Variants in KSR2 observed in about 807,000 individuals in gnomAD.
The protein encoded by KSR2 is kinase suppressor of ras 2.
In KSR2, 25 loss-of-function variants were observed where a neutral mutation model predicts 107.8. The observed-to-expected ratio is 0.23, with a 90% CI of 0.17 to 0.32. KSR2 has a LOEUF of 0.32. Ranked by LOEUF, KSR2 falls within the 10% of genes least tolerant of loss-of-function variation. KSR2 has a pLI of 1.00. For synonymous variants in KSR2, 480 were observed against 507.0 expected, an observed-to-expected ratio of 0.95 and a Z score of 0.71; for missense variants, 887 against 1,268.9, an observed-to-expected ratio of 0.70 and a Z score of 4.57.
At chr12:117,662,775 C>G (rs1021093567) in intron 5 of KSR2, among the ~76,000 whole-genome samples, 1 of 152,200 alleles carries the variant, frequency 6.6e-6, no homozygotes, top group African/African-American at 2.4e-5. Flanking sequence ...CAAGCCCCAC[C>G]CAGAGTTTCC....
chr12:117,793,740 CCATGCACATATACACCAA>C (rs1180962642), intron 3 of KSR2, among the ~76,000 whole-genome samples: 2 of 144,706 alleles, frequency 1.4e-5, no homozygotes, highest in African/African-American at 2.6e-5. Context: ...TGCACTCATA[CCATGCACATATACACCAA>C]CATGCACACA....
intron 3 of KSR2, among the ~76,000 whole-genome samples, chr12:117,777,780 C>A (rs926793973): frequency 2.6e-5 from 4 of 152,018 alleles, no homozygotes; most frequent in Admixed American, 1.3e-4. Flanking sequence ...TGCTGTCATC[C>A]CAGCATTTTG....
chr12:117,685,707 T>A (rs1885542571), intron 4 of KSR2, among the ~76,000 whole-genome samples: 1 of 152,194 alleles, frequency 6.6e-6, no homozygotes, highest in South Asian at 2.1e-4. Flanking sequence ...AATAGCTGCA[T>A]CCCCACCTCC....
intron 14 of KSR2, among the ~76,000 whole-genome samples, chr12:117,506,653 C>T (rs1267245129): frequency 6.6e-6 from 1 of 152,128 alleles, no homozygotes; most frequent in African/African-American, 2.4e-5. Context: ...GATGGGGCTG[C>T]ACCAAAGTCT....
chr12:117,844,552 G>A (rs1892628867), intron 3 of KSR2, among the ~76,000 whole-genome samples: 1 of 151,606 alleles, frequency 6.6e-6, no homozygotes, highest in African/African-American at 2.4e-5. Context: ...GAACCAGGAT[G>A]ACCAACTGGA....
At chr12:117,624,271 T>C (rs899881563) in intron 5 of KSR2, among the ~76,000 whole-genome samples, 5 of 152,166 alleles carry the variant, frequency 3.3e-5, no homozygotes, top group African/African-American at 4.8e-5. Context: ...TGCCATTGCT[T>C]TTGGTGTTTT....
At chr12:117,671,427 A>G (rs1241158519) in intron 4 of KSR2, among the ~76,000 whole-genome samples, 4 of 152,212 alleles carry the variant, frequency 2.6e-5, no homozygotes, top group African/African-American at 9.6e-5. Context: ...GCTGTCTTCC[A>G]AGTAGACTGT....
chr12:117,557,500 A>G lies in KSR2; in HGVS notation c.1393+1006T>C, dbSNP rs116291769. Among the ~76,000 whole-genome samples the G allele has an allele frequency of 7.8e-3, 1,195 of 152,268 alleles. 16 individuals are homozygous for G. The highest frequency in any genetic ancestry group is 0.027 in the African/African-American group (1,137 of 41,552). The stretch of plus-strand genomic sequence containing the variant: ...TCAGTAGGTCTGAGGTGGAGCCATA[A>G]ATCGTGCATTTCTAACAAGCTCCCA... On this transcript the variant is annotated intron_variant, in intron 8 of 19. Coordinates refer to ENST00000339824, the MANE Select transcript of KSR2 (RefSeq NM_173598.6).
At chr12:117,603,578 C>G (rs1318900561) in intron 5 of KSR2, among the ~76,000 whole-genome samples, 1 of 152,172 alleles carries the variant, frequency 6.6e-6, no homozygotes, top group African/African-American at 2.4e-5. Context: ...CCAGGAAGGA[C>G]CCAGGGCAGG....
At chr12:117,487,366 C>T (rs1423762053) in intron 14 of KSR2, among the ~76,000 whole-genome samples, 2 of 152,158 alleles carry the variant, frequency 1.3e-5, no homozygotes, top group Non-Finnish European at 2.9e-5. Context: ...CGACAGTCCC[C>T]GGGTAGCTGA....
At chr12:117,772,551 A>G (rs1889534408) in intron 3 of KSR2, among the ~76,000 whole-genome samples, 2 of 124,864 alleles carry the variant, frequency 1.6e-5, no homozygotes, top group South Asian at 2.7e-4. Flanking sequence ...CATTCCACCA[A>G]AGACGCACAA....
chr12:117,547,575 C>T (rs1876968183), intron 9 of KSR2, among the ~76,000 whole-genome samples: 2 of 152,032 alleles, frequency 1.3e-5, no homozygotes, highest in Non-Finnish European at 2.9e-5. Flanking sequence ...AGTCTAGACT[C>T]CCTACTTGAT....
chr12:117,720,105 G>C (rs1306342377), intron 4 of KSR2, among the ~76,000 whole-genome samples: 1 of 152,168 alleles, frequency 6.6e-6, no homozygotes, highest in Non-Finnish European at 1.5e-5. Flanking sequence ...CTTCAGACAG[G>C]GGCAAAGTGC....
At chr12:117,790,225 T>C (rs539336730) in intron 3 of KSR2, among the ~76,000 whole-genome samples, 9 of 152,304 alleles carry the variant, frequency 5.9e-5, no homozygotes, top group Admixed American at 2.0e-4. Context: ...CCTGATGACA[T>C]GTGCCCAAGG....
intron 17 of KSR2, among the ~76,000 whole-genome samples, chr12:117,471,567 C>T (rs533259791): frequency 6.6e-6 from 1 of 152,032 alleles, no homozygotes; most frequent in Non-Finnish European, 1.5e-5. Flanking sequence ...GGATCTCTGT[C>T]CCTGATTCTA....
intron 5 of KSR2, among the ~76,000 whole-genome samples, chr12:117,634,602 C>A (rs1419162378): frequency 6.6e-6 from 1 of 152,106 alleles, no homozygotes; most frequent in Non-Finnish European, 1.5e-5. Context: ...GAATTGCCCT[C>A]TCGGGTGACA....
At chr12:117,777,352 T>C (rs986631055) in intron 3 of KSR2, among the ~76,000 whole-genome samples, 2 of 151,952 alleles carry the variant, frequency 1.3e-5, no homozygotes, top group African/African-American at 2.4e-5. Flanking sequence ...TTTGGGGCCA[T>C]TGTAAACAGC....
At chr12:117,964,577 G>T (rs1424175129) in intron 1 of KSR2, among the ~76,000 whole-genome samples, 1 of 152,140 alleles carries the variant, frequency 6.6e-6, no homozygotes, top group Admixed American at 6.5e-5. Flanking sequence ...TCCCTTCCAT[G>T]CCATCTAGTC....
intron 3 of KSR2, among the ~76,000 whole-genome samples, chr12:117,788,786 T>C (rs752172736): frequency 2.0e-5 from 3 of 152,218 alleles, no homozygotes; most frequent in Non-Finnish European, 4.4e-5. Context: ...GTGCTGGGAT[T>C]ATAGGTGTGA....
Sources: allele counts gnomAD v4.1 joint callset (sites outside exome capture counted in the v4.1 genomes callset), GRCh38; gene constraint gnomAD v4.1.1; transcripts MANE v1.5; gene names NCBI Gene and HGNC (gene_info 2026-07-23, HGNC 2026-07-21).